Variants in PRSS23 observed in about 807,000 individuals in gnomAD.
PRSS23 encodes protease, serine 23.
Under a neutral mutation model 34.7 loss-of-function variants are expected in PRSS23, and 25 were observed. That is an observed-to-expected ratio of 0.72 (90% CI 0.53 to 1.01). The LOEUF (loss-of-function observed/expected upper bound fraction) is 1.01. Ranked by LOEUF, PRSS23 falls within the 50% of genes least tolerant of loss-of-function variation. PRSS23 has a pLI of 0.00. For missense variants in PRSS23, 445 were observed against 475.6 expected (o/e 0.94, Z 0.60); for synonymous variants, 176 against 186.6 (o/e 0.94, Z 0.46).
intron 2 of PRSS23, among the ~76,000 whole-genome samples, chr11:86,861,049 C>G (rs926480047): frequency 4.6e-5 from 7 of 151,896 alleles, no homozygotes; most frequent in African/African-American, 1.5e-4. Flanking sequence ...GTACATCCCT[C>G]TGTCACATTG....
chr11:86,877,599 T>C (rs956358502), intron 2 of PRSS23, among the ~76,000 whole-genome samples: 7 of 152,178 alleles, frequency 4.6e-5, no homozygotes, highest in African/African-American at 1.7e-4. Flanking sequence ...GAAAAGACTA[T>C]TCTTTGCCAC....
chr11:86,914,102 T>A (rs1428907051), intron 2 of PRSS23, among the ~76,000 whole-genome samples: 1 of 148,894 alleles, frequency 6.7e-6, no homozygotes, highest in Admixed American at 6.7e-5. Flanking sequence ...GGCGTGTGCC[T>A]GTAGTCCCAG....
chr11:86,851,980 A>T (rs1472595696), intron 2 of PRSS23, among the ~76,000 whole-genome samples: 1 of 152,156 alleles, frequency 6.6e-6, no homozygotes, highest in African/African-American at 2.4e-5. Context: ...GAAACTCCAC[A>T]GTCTGCTGAG....
intron 2 of PRSS23, among the ~76,000 whole-genome samples, chr11:86,831,149 T>C (rs1727209198): frequency 3.3e-5 from 5 of 152,122 alleles, no homozygotes; most frequent in Admixed American, 1.3e-4. Flanking sequence ...TTATTTTTTA[T>C]ATCCTAGCAG....
At chr11:86,923,700 C>T (rs1264099998) in intron 2 of PRSS23, among the ~76,000 whole-genome samples, 1 of 152,164 alleles carries the variant, frequency 6.6e-6, no homozygotes, top group Non-Finnish European at 1.5e-5. Flanking sequence ...CTTTTGTACA[C>T]ACTGTTATTT....
chr11:86,922,539 G>A (rs1325389929), intron 2 of PRSS23, among the ~76,000 whole-genome samples: 1 of 152,134 alleles, frequency 6.6e-6, no homozygotes, highest in African/African-American at 2.4e-5. Context: ...TCACTATGAA[G>A]ATTAAATGAG....
chr11:86,798,383 A>T (rs530314766), upstream of PRSS23, among the ~76,000 whole-genome samples: 4 of 152,278 alleles, frequency 2.6e-5, no homozygotes, highest in East Asian at 7.7e-4. Flanking sequence ...ATACCTAAAT[A>T]ATGTATTAGA....
intron 2 of PRSS23, among the ~76,000 whole-genome samples, chr11:86,915,644 G>A (rs1007386896): frequency 6.7e-6 from 1 of 150,164 alleles, no homozygotes; most frequent in African/African-American, 2.4e-5. Context: ...GGCTAAAGTG[G>A]TAATAATATA....
At chr11:86,930,529 C>T (rs1333397410) in intron 2 of PRSS23, among the ~76,000 whole-genome samples, 3 of 152,136 alleles carry the variant, frequency 2.0e-5, no homozygotes, top group African/African-American at 7.2e-5. Flanking sequence ...CGGCGGCTCA[C>T]GTCTGTAATC....
chr11:86,853,729 CT>C (rs2134922190), intron 2 of PRSS23, among the ~76,000 whole-genome samples: 1 of 152,182 alleles, frequency 6.6e-6, no homozygotes, highest in African/African-American at 2.4e-5. Flanking sequence ...GCTTCTAATT[CT>C]TTTTGGGAGG....
chr11:86,851,633 G>A (rs142960223), intron 2 of PRSS23, among the ~76,000 whole-genome samples: 96 of 152,288 alleles, frequency 6.3e-4, no homozygotes, highest in Middle Eastern at 6.8e-3. Flanking sequence ...ATGAAAATGC[G>A]TCACAACTTT....
At chr11:86,879,773 G>A in intron 2 of PRSS23, among the ~76,000 whole-genome samples, 1 of 113,628 alleles carries the variant, frequency 8.8e-6, no homozygotes, top group Non-Finnish European at 1.9e-5. Context: ...GAGGGAGGTG[G>A]GGGGGTCAGC....
At chr11:86,866,556 T>C (rs11234841) in intron 2 of PRSS23, among the ~76,000 whole-genome samples, 46,661 of 152,072 alleles carry the variant, frequency 0.31, 7,399 homozygotes, top group Non-Finnish European at 0.35. Flanking sequence ...TGAACACCTT[T>C]TATATATGCC....
chr11:86,860,141 AC>A (rs1176973183), intron 2 of PRSS23, among the ~76,000 whole-genome samples: 1 of 151,416 alleles, frequency 6.6e-6, no homozygotes, highest in Non-Finnish European at 1.5e-5. Flanking sequence ...GGGGATGTAC[AC>A]CCCTCCATGA....
chr11:86,917,066 TC>T, intron 2 of PRSS23, among the ~76,000 whole-genome samples: 1 of 152,224 alleles, frequency 6.6e-6, no homozygotes, highest in Non-Finnish European at 1.5e-5. Flanking sequence ...ACGCCTGTAA[TC>T]CCAGCACTTT....
intron 2 of PRSS23, among the ~76,000 whole-genome samples, chr11:86,828,587 C>G (rs969601023): frequency 3.9e-5 from 6 of 152,132 alleles, no homozygotes; most frequent in Admixed American, 3.9e-4. Flanking sequence ...TTCTCCCTAG[C>G]CTCAATGGTC....
intron 2 of PRSS23, among the ~76,000 whole-genome samples, chr11:86,826,553 G>A (rs1354392459): frequency 6.6e-6 from 1 of 152,148 alleles, no homozygotes; most frequent in African/African-American, 2.4e-5. Flanking sequence ...GTGAGAGAGG[G>A]CATCCCTGTC....
rs116241988 is a variant in PRSS23, at chr11:86,820,286, T to C, written c.-11-3091T>C. On this transcript the variant is annotated intron_variant, in intron 1 of 2. Transcript: ENST00000533902. ...CAAGAGCCTATGCAAATACATTTTCTTGTAGTATAATGTAATTGCTAATAT... is the reference window on the plus strand; with the variant it reads ...CAAGAGCCTATGCAAATACATTTTCCTGTAGTATAATGTAATTGCTAATAT... 6.8e-4 allele frequency among the ~76,000 whole-genome samples: 104 copies of C among 152,368 alleles called. 1 individual carries two copies. Among genetic ancestry groups the C allele is most frequent in the African/African-American group, 2.4e-3 (101 of 41,586 alleles).
intron 2 of PRSS23, among the ~76,000 whole-genome samples, chr11:86,922,319 C>T (rs1006445099): frequency 1.3e-5 from 2 of 152,084 alleles, no homozygotes; most frequent in African/African-American, 4.8e-5. Context: ...CCACTCTCAA[C>T]TTTTATTTCC....
Sources: gnomAD v4.1 joint callset for allele counts (sites outside exome capture counted in the v4.1 genomes callset) on GRCh38, gnomAD v4.1.1 for gene constraint, MANE v1.5 for transcripts, NCBI Gene and HGNC (gene_info 2026-07-23, HGNC 2026-07-21) for gene names.